Variants in CRISP1 observed in about 807,000 individuals in gnomAD.
CRISP1 encodes cysteine rich secretory protein 1.
Under a neutral mutation model 33.1 loss-of-function variants are expected in CRISP1, and 44 were observed. That is an observed-to-expected ratio of 1.33 (90% CI 1.05 to 1.71). The LOEUF is 1.71. CRISP1 is among the 40% of genes most tolerant of loss of function. CRISP1 has a pLI of 0.00. For synonymous variants in CRISP1, 103 were observed against 98.7 expected (o/e 1.04, Z -0.26); for missense variants, 390 against 301.2 (o/e 1.29, Z -2.18).
At chr6:49,846,474 T>A in intron 5 of CRISP1, 46 bp downstream of exon 5, 2 of 1,580,496 alleles carry the variant, frequency 1.3e-6, no homozygotes, top group Non-Finnish European at 1.7e-6. Flanking sequence ...TCCACACACA[T>A]GCTTATCTCT....
At chr6:49,848,580 A>G (rs1053314607) in intron 3 of CRISP1, among the ~76,000 whole-genome samples, 12 of 152,128 alleles carry the variant, frequency 7.9e-5, no homozygotes, top group African/African-American at 2.7e-4. Context: ...CTTCCAGGGA[A>G]ACAGACCAGA....
At chr6:49,854,562 C>A (rs1417315356) in intron 2 of CRISP1, among the ~76,000 whole-genome samples, 2 of 152,112 alleles carry the variant, frequency 1.3e-5, no homozygotes, top group Non-Finnish European at 2.9e-5. Flanking sequence ...AACAGATAAA[C>A]AAGCAACCAT....
intron 2 of CRISP1, among the ~76,000 whole-genome samples, chr6:49,857,110 A>C (rs1313037304): frequency 6.6e-6 from 1 of 152,156 alleles, no homozygotes; most frequent in Non-Finnish European, 1.5e-5. Context: ...GCCATGTCCT[A>C]GTCCTCAGAT....
upstream of CRISP1, among the ~76,000 whole-genome samples, chr6:49,867,709 A>G (rs192258122): frequency 4.4e-3 from 664 of 152,226 alleles, 5 homozygotes; most frequent in African/African-American, 0.015. Context: ...ACCTAGAAGA[A>G]TTTCTCTTTT....
intron 2 of CRISP1, among the ~76,000 whole-genome samples, chr6:49,856,635 A>T (rs1771504877): frequency 1.3e-5 from 2 of 152,198 alleles, no homozygotes. Flanking sequence ...CTGGCCTACG[A>T]AAATATAAAA....
rs1345853069 is a variant in CRISP1, at chr6:49,837,214, C to T, written c.622+1223G>A. 3.9e-5 allele frequency among the ~76,000 whole-genome samples: 6 copies of T among 152,010 alleles called. No homozygotes were observed. In the East Asian group the frequency reaches 9.6e-4, roughly 24 times the overall value. ...TGTTCAATTCTTAAGTTCATATATT[C>T]CTTTAATAGCTCTCACTTTCTCAAA... On this transcript the variant is annotated intron_variant, in intron 7 of 7. Coordinates refer to ENST00000335847, the MANE Select transcript of CRISP1 (RefSeq NM_001131.3).
intron 7 of CRISP1, 143 bp downstream of exon 7, chr6:49,838,294 G>A: frequency 1.6e-6 from 1 of 638,948 alleles, no homozygotes; most frequent in South Asian, 2.0e-5. Flanking sequence ...TGGCAATTGG[G>A]GAGGGGTAAG....
chr6:49,853,031 A>C (rs1242780707), intron 2 of CRISP1, among the ~76,000 whole-genome samples: 6 of 152,166 alleles, frequency 3.9e-5, no homozygotes, highest in African/African-American at 9.7e-5. Flanking sequence ...TAACTTACAC[A>C]ATATATAGAA....
intron 1 of CRISP1, among the ~76,000 whole-genome samples, chr6:49,863,955 T>C (rs998829272): frequency 1.3e-5 from 2 of 152,210 alleles, no homozygotes; most frequent in Non-Finnish European, 2.9e-5. Flanking sequence ...CTTAAGTGTA[T>C]AGTTTGATTG....
At chr6:49,836,139 C>G (rs990665624) in intron 7 of CRISP1, among the ~76,000 whole-genome samples, 9 of 152,170 alleles carry the variant, frequency 5.9e-5, no homozygotes, top group African/African-American at 9.6e-5. Flanking sequence ...ATCTATTTGT[C>G]TCTATATAAA....
At chr6:49,837,186 A>G (rs901543334) in intron 7 of CRISP1, among the ~76,000 whole-genome samples, 16 of 152,130 alleles carry the variant, frequency 1.1e-4, no homozygotes, top group African/African-American at 3.9e-4. Context: ...TTTGTGCCCA[A>G]TATGTTCAAT....
chr6:49,838,640 A>AC (rs1213535579), intron 6 of CRISP1, 115 bp from the exon 7 acceptor site: 61 of 699,584 alleles, frequency 8.7e-5, no homozygotes, highest in Non-Finnish European at 1.3e-4. Context: ...CTTGTAAAGA[A>AC]CAGTGATAAT....
chr6:49,842,126 A>G (rs993910583), intron 5 of CRISP1, among the ~76,000 whole-genome samples: 5 of 152,180 alleles, frequency 3.3e-5, no homozygotes, highest in Non-Finnish European at 5.9e-5. Context: ...CAATCTCTCC[A>G]CACCATATGG....
chr6:49,863,853 A>T (rs1256365487), intron 1 of CRISP1, among the ~76,000 whole-genome samples: 3 of 152,238 alleles, frequency 2.0e-5, no homozygotes, highest in Non-Finnish European at 4.4e-5. Flanking sequence ...CAAGAAATAC[A>T]TCTTCTTTTT....
chr6:49,864,859 A>G (rs1045161532), intron 1 of CRISP1, among the ~76,000 whole-genome samples: 2 of 152,110 alleles, frequency 1.3e-5, no homozygotes, highest in Non-Finnish European at 2.9e-5. Flanking sequence ...TATTATTTGA[A>G]CTATCTTAGT....
chr6:49,865,106 G>T (rs1026936323), intron 1 of CRISP1, among the ~76,000 whole-genome samples: 1 of 152,098 alleles, frequency 6.6e-6, no homozygotes, highest in Non-Finnish European at 1.5e-5. Flanking sequence ...TCACTATAAT[G>T]CTGAAGTCAT....
intron 4 of CRISP1, among the ~76,000 whole-genome samples, chr6:49,847,326 C>T (rs1771210213): frequency 1.3e-5 from 2 of 151,958 alleles, no homozygotes; most frequent in African/African-American, 2.4e-5. Flanking sequence ...AGATGTAATC[C>T]CCGTGTTGAA....
chr6:49,864,749 A>C (rs1427915402), intron 1 of CRISP1, among the ~76,000 whole-genome samples: 1 of 152,042 alleles, frequency 6.6e-6, no homozygotes, highest in Non-Finnish European at 1.5e-5. Context: ...GGTTGTAATT[A>C]GGTTGGCTCT....
intron 5 of CRISP1, among the ~76,000 whole-genome samples, chr6:49,846,178 A>G (rs1004975912): frequency 6.6e-6 from 1 of 152,190 alleles, no homozygotes; most frequent in African/African-American, 2.4e-5. Context: ...ATCTTACCAC[A>G]ATAAAACTAA....
Sources: allele counts gnomAD v4.1 joint callset (sites outside exome capture counted in the v4.1 genomes callset), GRCh38; gene constraint gnomAD v4.1.1; transcripts MANE v1.5; gene names NCBI Gene and HGNC (gene_info 2026-07-23, HGNC 2026-07-21).